Variants in MRPS24 observed in about 807,000 individuals in gnomAD.
The protein encoded by MRPS24 is small ribosomal subunit protein uS3m.
A neutral mutation model predicts 21.8 loss-of-function variants in MRPS24; 15 were observed. The observed-to-expected ratio is 0.69, with a 90% confidence interval of 0.46 to 1.06. The LOEUF (loss-of-function observed/expected upper bound fraction) is 1.06. Ranked by LOEUF, MRPS24 falls within the 50% of genes least tolerant of loss-of-function variation. The probability of loss-of-function intolerance (pLI) is 0.00; values close to 1 mark genes in which losing one functional copy is unlikely to be tolerated. For synonymous variants in MRPS24, 93 were observed against 93.7 expected (o/e 0.99, Z 0.04); for missense variants, 224 against 219.1 (o/e 1.02, Z -0.14).
At chr7:43,868,817 CTTTT>C in intron 3 of MRPS24, 142 bp downstream of exon 3, 4 of 1,079,418 alleles carry the variant, frequency 3.7e-6, no homozygotes, top group Non-Finnish European at 5.2e-6. Flanking sequence ...TATATCTCTG[CTTTT>C]TTATGTCTCC....
chr7:43,869,306 A>G lies in MRPS24; in HGVS notation c.108+2T>C. ...CCAGGCCCCTGCCCCGGCGGTGCTC[A>G]CCTTGGCGCAGACCGGGGAGGTGTG... On this transcript the variant is annotated splice_donor_variant, in intron 2 of 3. Coordinates refer to ENST00000317534, the MANE Select transcript of MRPS24 (RefSeq NM_032014.3). LOFTEE classifies it high-confidence loss of function. This position sits in a 1 kb window ranked among gnomAD's most constrained non-coding sequence, Gnocchi z 4.8. 6.6e-7 allele frequency: 1 copy of G among 1,516,680 alleles called. No individual in the cohort carries two copies. The highest frequency in any genetic ancestry group is 2.6e-5 in the East Asian group (1 of 38,874). The allele number at this position is 1,516,680 out of a possible 1,614,324, so 94.0% of individuals were successfully genotyped here.
At chr7:43,868,101 T>C (rs1259714387) in intron 3 of MRPS24, 1 of 152,138 alleles carries the variant, frequency 6.6e-6, no homozygotes, top group East Asian at 1.9e-4. Context: ...GTTTAATATA[T>C]ATGGTAGATT....
chr7:43,869,455 A>T lies in MRPS24; in HGVS notation c.39+2T>A. On this transcript the variant is annotated splice_donor_variant, in intron 1 of 3. Coordinates refer to ENST00000317534, the MANE Select transcript of MRPS24 (RefSeq NM_032014.3). LOFTEE classifies it high-confidence loss of function. The surrounding 1 kb of genome is among the most constrained non-coding windows in gnomAD (Gnocchi z 4.8). ...AGGGACCTGCCGAGTCGCCCCACTC[A>T]CCCGTGGCCCCAGCAACCCGCTGCA... 1 of 1,561,890 alleles carries T rather than the reference A, an allele frequency of 6.4e-7. No homozygotes were observed. Among genetic ancestry groups the T allele is most frequent in the Non-Finnish European group, 8.7e-7 (1 of 1,154,470 alleles).
Position 43,866,935 on chromosome 7 carries a change from C to T in MRPS24, c.268G>A (p.Val90Ile). The stretch of plus-strand genomic sequence containing the variant: ...CCCCACATGAACTTGCGAAGGAAAA[C>T]ATCCTCCACCGTTCGCTCTGCGGCA... ...DHAAERTVED[V>I]FLRKFMWGTF... Residue 90 changes from valine (V) to isoleucine (I), a missense_variant, in exon 4 of 4, where the codon GTT becomes ATT. Transcript: ENST00000317534. The T allele has an allele frequency of 6.2e-7, 1 of 1,614,194 alleles. No homozygotes were observed. The highest frequency in any genetic ancestry group is 8.5e-7 in the Non-Finnish European group (1 of 1,180,030).
Position 43,869,383 on chromosome 7 carries a change from A to C in MRPS24, c.40-7T>G. On this transcript the variant is annotated splice_region_variant and splice_polypyrimidine_tract_variant and intron_variant, in intron 1 of 3. Transcript: ENST00000317534. The surrounding 1 kb of genome is among the most constrained non-coding windows in gnomAD (Gnocchi z 4.8). ...CTCGGCTCCAGGACAGCACCTGTGG[A>C]GGGAGGGCGCGTGAGGCGGAAACTA... 1 of 1,549,558 alleles carries C rather than the reference A, an allele frequency of 6.5e-7. No individual in the cohort carries two copies. The highest frequency in any genetic ancestry group is 8.7e-7 in the Non-Finnish European group (1 of 1,146,766).
In MRPS24 at chr7:43,866,890, C is replaced by A; in HGVS notation, c.313G>T (p.Ala105Ser). 1 of 1,614,234 alleles carries A rather than the reference C, an allele frequency of 6.2e-7. No individual in the cohort carries two copies. Among genetic ancestry groups the A allele is most frequent in the Non-Finnish European group, 8.5e-7 (1 of 1,180,034 alleles). Residue 105 changes from alanine (A) to serine (S), a missense_variant, in exon 4 of 4, where the codon GCT (alanine) becomes TCT (serine). Coordinates refer to ENST00000317534, the MANE Select transcript of MRPS24 (RefSeq NM_032014.3). ...FMWGTFPGCL[A>S]DQLVLKRRGN... is the part of the protein sequence containing the mutation. ...CGGCGCTTTAAAACCAGCTGGTCAGCCAGGCAGCCTGGGAAGGTACCCCAC... is the reference window on the plus strand; with the variant it reads ...CGGCGCTTTAAAACCAGCTGGTCAGACAGGCAGCCTGGGAAGGTACCCCAC...
At chr7:43,868,780 A>G in intron 3 of MRPS24, 183 bp downstream of exon 3, 1 of 716,784 alleles carries the variant, frequency 1.4e-6, no homozygotes, top group Non-Finnish European at 2.1e-6. Flanking sequence ...ATCCATCTTC[A>G]AATTTGTTTC....
rs2095839232 is a variant in MRPS24, at chr7:43,869,497, T to G, written c.-2A>C. ...CCCGCTGCACACGGAGGCCGCCATC[T>G]TGGGCCAAGCGGAGCGCGGGACGTA... is the stretch of plus-strand genomic sequence containing the variant. On this transcript the variant is annotated 5_prime_UTR_variant, in exon 1 of 4. Transcript: ENST00000317534. The surrounding 1 kb of genome is among the most constrained non-coding windows in gnomAD (Gnocchi z 4.8). 6.4e-7 allele frequency: 1 copy of G among 1,567,232 alleles called. No homozygotes were observed. The highest frequency in any genetic ancestry group is 1.4e-5 in the African/African-American group (1 of 73,944).
rs1363038625 is a variant in MRPS24 at position 43,869,389 on chromosome 7, G to C, written c.40-13C>G. The C allele has an allele frequency of 1.3e-6, 2 of 1,549,912 alleles. No homozygotes were observed. Among genetic ancestry groups the C allele is most frequent in the Non-Finnish European group, 1.7e-6 (2 of 1,146,850 alleles). On this transcript the variant is annotated splice_polypyrimidine_tract_variant and intron_variant, in intron 1 of 3. Coordinates refer to ENST00000317534, the MANE Select transcript of MRPS24 (RefSeq NM_032014.3). This position sits in a 1 kb window ranked among gnomAD's most constrained non-coding sequence, Gnocchi z 4.8. ...TCCAGGACAGCACCTGTGGAGGGAG[G>C]GCGCGTGAGGCGGAAACTAGGGACC...
Position 43,869,221 on chromosome 7 carries a change from G to A in MRPS24, c.108+87C>T. On this transcript the variant is annotated intron_variant, in intron 2 of 3. Transcript: ENST00000317534. The surrounding 1 kb of genome is among the most constrained non-coding windows in gnomAD (Gnocchi z 4.8). The stretch of plus-strand genomic sequence containing the variant: ...CCCTAGCCCCGCCTCGGACCCCAGC[G>A]ACACGCCCCCTTCAGCCCGCACGGC... 1 of 1,468,720 alleles carries A rather than the reference G, an allele frequency of 6.8e-7. No homozygotes were observed. The highest frequency in any genetic ancestry group is 9.0e-7 in the Non-Finnish European group (1 of 1,114,438). 91.0% of individuals were successfully genotyped at this position (1,468,720 alleles called of 1,614,324 possible). A position where few individuals can be genotyped will look rare whatever the true frequency, so the allele number is the denominator to read the frequency against.
rs1032163022 is a variant in MRPS24, at chr7:43,869,245, G to A, written c.108+63C>T. ...CGACACGCCCCCTTCAGCCCGCACG[G>A]CTTCCCCGGCCCCCGGCCCCCCGGC... is the stretch of plus-strand genomic sequence containing the variant. On this transcript the variant is annotated intron_variant, in intron 2 of 3. Transcript: ENST00000317534. This position sits in a 1 kb window ranked among gnomAD's most constrained non-coding sequence, Gnocchi z 4.8. 2.0e-6 allele frequency: 3 copies of A among 1,488,886 alleles called. No individual in the cohort carries two copies. Among genetic ancestry groups the A allele is most frequent in the African/African-American group, 1.4e-5 (1 of 71,420 alleles). 92.2% of individuals were successfully genotyped at this position (1,488,886 alleles called of 1,614,324 possible). A position where few individuals can be genotyped will look rare whatever the true frequency, so the allele number is the denominator to read the frequency against.
Position 43,869,468 on chromosome 7 carries a change from GCAAC to G in MRPS24, c.24_27del (p.Leu9TrpfsTer35), listed in dbSNP as rs1189064638. On this transcript the variant is annotated frameshift_variant, in exon 1 of 4. Transcript: ENST00000317534. LOFTEE classifies it high-confidence loss of function. This position sits in a 1 kb window ranked among gnomAD's most constrained non-coding sequence, Gnocchi z 4.8. ...GTCGCCCCACTCACCCGTGGCCCCA[GCAAC>G]CCGCTGCACACGGAGGCCGCCATCT... The G allele has an allele frequency of 1.3e-6, 2 of 1,567,678 alleles. No homozygotes were observed.
At position 43,869,502 on chromosome 7, in the gene MRPS24, C is replaced by T. The variant is rs377578683; in HGVS notation, c.-7G>A. 1,772 of 1,564,842 alleles carry T rather than the reference C, an allele frequency of 1.1e-3. 36 individuals carry two copies. In the South Asian group the frequency reaches 0.02, roughly 17 times the overall value. ...TGCACACGGAGGCCGCCATCTTGGGCCAAGCGGAGCGCGGGACGTACCACA... is the reference window on the plus strand; with the variant it reads ...TGCACACGGAGGCCGCCATCTTGGGTCAAGCGGAGCGCGGGACGTACCACA... On this transcript the variant is annotated 5_prime_UTR_variant, in exon 1 of 4. Coordinates refer to ENST00000317534, the MANE Select transcript of MRPS24 (RefSeq NM_032014.3). This position sits in a 1 kb window ranked among gnomAD's most constrained non-coding sequence, Gnocchi z 4.8.
At position 43,869,009 on chromosome 7, in the gene MRPS24, C is replaced by T. The variant is rs1269499433; in HGVS notation, c.174G>A (p.Ala58=). The change falls in exon 3 of 4, where the codon GCG becomes GCA. Residue 58 remains alanine (A), a synonymous_variant. Transcript: ENST00000317534. This position sits in a 1 kb window ranked among gnomAD's most constrained non-coding sequence, Gnocchi z 4.8. ...DKPVTYEEAH[A]PHYIAHRKGW... ...CTTTACGGTGGGCGATGTAGTGCGG[C>T]GCGTGTGCCTCCTCGTAGGTCACCG... 1.2e-6 allele frequency: 2 copies of T among 1,614,008 alleles called. No individual in the cohort carries two copies. The highest frequency in any genetic ancestry group is 2.2e-5 in the East Asian group (1 of 44,882).
At chr7:43,867,105 TTTC>T in intron 3 of MRPS24, 123 bp from the exon 4 acceptor site, 1 of 944,394 alleles carries the variant, frequency 1.1e-6, no homozygotes, top group Non-Finnish European at 1.6e-6. Flanking sequence ...CCTCTTCTCT[TTTC>T]TTCTGCTAAT....
At position 43,866,696 on chromosome 7, in the gene MRPS24, G is replaced by C; in HGVS notation, c.*3C>G. ...ACAGCTTGATGGAAAAAAGGGGATT[G>C]TTCTAGAGGTACTTATACACAACCT... is the stretch of plus-strand genomic sequence containing the variant. On this transcript the variant is annotated 3_prime_UTR_variant, in exon 4 of 4. Transcript: ENST00000317534. 1 of 1,613,880 alleles carries C rather than the reference G, an allele frequency of 6.2e-7. No homozygotes were observed. Among genetic ancestry groups the C allele is most frequent in the South Asian group, 1.1e-5 (1 of 91,074 alleles).
chr7:43,869,316 A>G lies in MRPS24; in HGVS notation c.100T>C (p.Cys34Arg), dbSNP rs985471288. The G allele has an allele frequency of 2.1e-6, 3 of 1,461,450 alleles. No homozygotes were observed. The African/African-American group carries it at 4.4e-5, about 21-fold the overall frequency. The allele number at this position is 1,461,450 out of a possible 1,614,324, so 90.5% of individuals were successfully genotyped here. A position where few individuals can be genotyped will look rare whatever the true frequency, so the allele number is the denominator to read the frequency against. ...GCCCCGGCGGTGCTCACCTTGGCGC[A>G]GACCGGGGAGGTGTGCAGGGCGCGC... ...AWRALHTSPVCAKNRAARVRV... is the reference protein window; with the variant it reads ...AWRALHTSPVRAKNRAARVRV... Residue 34 changes from cysteine to arginine, a missense_variant, in exon 2 of 4, where the codon TGC becomes CGC. By Grantham distance (180) the Cys-to-Arg change is radical. Transcript: ENST00000317534. This position sits in a 1 kb window ranked among gnomAD's most constrained non-coding sequence, Gnocchi z 4.8.
chr7:43,869,280 C>G lies in MRPS24; in HGVS notation c.108+28G>C. 1.3e-6 allele frequency: 2 copies of G among 1,528,300 alleles called. No homozygotes were observed. The highest frequency in any genetic ancestry group is 1.8e-6 in the Non-Finnish European group (2 of 1,141,244). The allele number at this position is 1,528,300 out of a possible 1,614,324, so 94.7% of individuals were successfully genotyped here. On this transcript the variant is annotated intron_variant, in intron 2 of 3. Coordinates refer to ENST00000317534, the MANE Select transcript of MRPS24 (RefSeq NM_032014.3). This position sits in a 1 kb window ranked among gnomAD's most constrained non-coding sequence, Gnocchi z 4.8. ...CCCCCGGCCCCCCGGCCCCCAGGCCCCCAGGCCCCTGCCCCGGCGGTGCTC... is the reference window on the plus strand; with the variant it reads ...CCCCCGGCCCCCCGGCCCCCAGGCCGCCAGGCCCCTGCCCCGGCGGTGCTC...
chr7:43,869,496 C>T lies in MRPS24; in HGVS notation c.-1G>A, dbSNP rs1186347232. Reference sequence around the variant, plus strand: ...ACCCGCTGCACACGGAGGCCGCCATCTTGGGCCAAGCGGAGCGCGGGACGT... The same window carrying T: ...ACCCGCTGCACACGGAGGCCGCCATTTTGGGCCAAGCGGAGCGCGGGACGT... On this transcript the variant is annotated 5_prime_UTR_variant, in exon 1 of 4. Coordinates refer to ENST00000317534, the MANE Select transcript of MRPS24 (RefSeq NM_032014.3). The surrounding 1 kb of genome is among the most constrained non-coding windows in gnomAD (Gnocchi z 4.8). 1.3e-6 allele frequency: 2 copies of T among 1,567,454 alleles called. No individual in the cohort carries two copies. Among genetic ancestry groups the T allele is most frequent in the African/African-American group, 1.4e-5 (1 of 73,848 alleles).
Sources: gnomAD v4.1 joint callset for allele counts on GRCh38, gnomAD v4.1.1 for gene constraint, Gnocchi (gnomAD v3.1) non-coding constraint, MANE v1.5 for transcripts, NCBI Gene and HGNC (gene_info 2026-07-23, HGNC 2026-07-21) for gene names.